Variants in VWC2L observed in about 807,000 individuals in gnomAD.
VWC2L encodes von Willebrand factor C domain containing 2 like.
Under a neutral mutation model 21.6 loss-of-function variants are expected in VWC2L, and 10 were observed. The observed-to-expected ratio is 0.46, with a 90% CI of 0.29 to 0.78. The LOEUF is 0.78. VWC2L is among the 30% of genes least tolerant of loss of function. The probability of loss-of-function intolerance (pLI) is 0.10; values close to 1 mark genes in which losing one functional copy is unlikely to be tolerated. For missense variants in VWC2L, 209 were observed against 277.1 expected, an observed-to-expected ratio of 0.75 and a Z score of 1.74; for synonymous variants, 96 against 94.3, an observed-to-expected ratio of 1.02 and a Z score of -0.10.
rs115250147 is a variant in VWC2L, at chr2:214,504,171, T to C, written c.520+67413T>C. Among the ~76,000 whole-genome samples, 652 of 152,204 alleles carry C rather than the reference T, an allele frequency of 4.3e-3. 5 individuals carry two copies. Among genetic ancestry groups the C allele is most frequent in the African/African-American group, 0.014 (593 of 41,520 alleles). On this transcript the variant is annotated intron_variant, in intron 3 of 3. Transcript: ENST00000312504. ...ATTTCAAAATAAGAAAATAGAAAGGTTCTTTACTGATCATTTTGAATAGCT... is the reference window on the plus strand; with the variant it reads ...ATTTCAAAATAAGAAAATAGAAAGGCTCTTTACTGATCATTTTGAATAGCT...
chr2:214,432,660 T>G (rs1331553109), intron 2 of VWC2L, among the ~76,000 whole-genome samples: 1 of 152,218 alleles, frequency 6.6e-6, no homozygotes, highest in East Asian at 1.9e-4. Flanking sequence ...TTAACTATAC[T>G]GTGTATAGCA....
chr2:214,507,635 G>A (rs10932537), intron 3 of VWC2L, among the ~76,000 whole-genome samples: 48,316 of 151,944 alleles, frequency 0.32, 8,548 homozygotes, highest in East Asian at 0.47. Flanking sequence ...TACCATGCTG[G>A]CACCCTAAAA....
intron 3 of VWC2L, among the ~76,000 whole-genome samples, chr2:214,564,913 C>T (rs1299354046): frequency 6.6e-6 from 1 of 152,150 alleles, no homozygotes; most frequent in African/African-American, 2.4e-5. Flanking sequence ...GACAGTGTTA[C>T]CAACATTGGT....
At position 214,450,890 on chromosome 2, in the gene VWC2L, C is replaced by T. The variant is rs960385187; in HGVS notation, c.520+14132C>T. Among the ~76,000 whole-genome samples the T allele has an allele frequency of 2.0e-5, 3 of 152,136 alleles. No homozygotes were observed. The East Asian group carries it at 5.8e-4, about 29-fold the overall frequency. ...CCTGATATGTTTAGGTGCTTGAAAGCATTAACATGTTTAACCTTTACAACA... is the reference window on the plus strand; with the variant it reads ...CCTGATATGTTTAGGTGCTTGAAAGTATTAACATGTTTAACCTTTACAACA... On this transcript the variant is annotated intron_variant, in intron 3 of 3. Transcript: ENST00000312504.
intron 2 of VWC2L, among the ~76,000 whole-genome samples, chr2:214,429,452 G>A (rs1486597119): frequency 6.6e-6 from 1 of 151,800 alleles, no homozygotes; most frequent in Non-Finnish European, 1.5e-5. Context: ...CTATATGTCT[G>A]GGCCCTCCTT....
rs139937989 is a variant in VWC2L at position 214,445,889 on chromosome 2, T to C, written c.520+9131T>C. 1.4e-4 allele frequency among the ~76,000 whole-genome samples: 21 copies of C among 152,264 alleles called. No homozygotes were observed. In the East Asian group the frequency reaches 1.9e-3, roughly 14 times the overall value. On this transcript the variant is annotated intron_variant, in intron 3 of 3. Transcript: ENST00000312504. ...TTAAAATTTGTACTCTATCAACTAATTAACCAACTAATAATTTCTACCACT... is the reference window on the plus strand; with the variant it reads ...TTAAAATTTGTACTCTATCAACTAACTAACCAACTAATAATTTCTACCACT...
intron 3 of VWC2L, among the ~76,000 whole-genome samples, chr2:214,492,345 C>T (rs1363795266): frequency 1.3e-5 from 2 of 152,156 alleles, no homozygotes; most frequent in African/African-American, 4.8e-5. Flanking sequence ...TCAAAGAACT[C>T]CACAGTTCAT....
chr2:214,426,867 C>T (rs114998093), intron 2 of VWC2L, among the ~76,000 whole-genome samples: 1 of 152,152 alleles, frequency 6.6e-6, no homozygotes, highest in African/African-American at 2.4e-5. Flanking sequence ...CTCTTTTTCA[C>T]AGAAATGTGG....
intron 3 of VWC2L, among the ~76,000 whole-genome samples, chr2:214,511,690 G>A (rs1002694020): frequency 6.6e-6 from 1 of 152,018 alleles, no homozygotes; most frequent in Non-Finnish European, 1.5e-5. Flanking sequence ...CGTTATGGCA[G>A]TCTGAGCATA....
chr2:214,438,281 G>A (rs907701816), intron 3 of VWC2L, among the ~76,000 whole-genome samples: 5 of 151,950 alleles, frequency 3.3e-5, no homozygotes, highest in African/African-American at 7.2e-5. Context: ...GTCTAAAGTA[G>A]AAGAGAAAGT....
chr2:214,494,376 T>C (rs1429905725), intron 3 of VWC2L, among the ~76,000 whole-genome samples: 1 of 152,170 alleles, frequency 6.6e-6, no homozygotes, highest in Admixed American at 6.6e-5. Context: ...ACAAGACTAT[T>C]AGAATTACCT....
At chr2:214,449,832 G>A (rs190087843) in intron 3 of VWC2L, among the ~76,000 whole-genome samples, 13 of 152,294 alleles carry the variant, frequency 8.5e-5, no homozygotes, top group Admixed American at 1.3e-4. Flanking sequence ...AAATGCTACT[G>A]TTTGTCAGGG....
intron 2 of VWC2L, among the ~76,000 whole-genome samples, chr2:214,425,590 G>A (rs917432707): frequency 1.3e-5 from 2 of 151,872 alleles, no homozygotes; most frequent in African/African-American, 4.8e-5. Flanking sequence ...TAATATAATA[G>A]ATATATTTAG....
At chr2:214,452,399 ATAAT>A (rs1485217664) in intron 3 of VWC2L, among the ~76,000 whole-genome samples, 1 of 152,146 alleles carries the variant, frequency 6.6e-6, no homozygotes, top group Non-Finnish European at 1.5e-5. Context: ...TTCATTCAGC[ATAAT>A]TATTTTGAGA....
chr2:214,413,755 G>GA (rs1413694181), intron 1 of VWC2L, among the ~76,000 whole-genome samples: 2 of 152,010 alleles, frequency 1.3e-5, no homozygotes, highest in Non-Finnish European at 1.5e-5. Flanking sequence ...AAGAATAATA[G>GA]AAAATGTGAG....
chr2:214,438,815 G>A (rs1203917449), intron 3 of VWC2L, among the ~76,000 whole-genome samples: 3 of 151,910 alleles, frequency 2.0e-5, no homozygotes, highest in Admixed American at 1.3e-4. Context: ...GACTTTACTT[G>A]TTCAATCAGT....
chr2:214,546,508 G>T (rs1689709222), intron 3 of VWC2L, among the ~76,000 whole-genome samples: 1 of 152,072 alleles, frequency 6.6e-6, no homozygotes, highest in Non-Finnish European at 1.5e-5. Context: ...TGCAGCAGTT[G>T]TCCTCATTGC....
intron 3 of VWC2L, among the ~76,000 whole-genome samples, chr2:214,520,194 G>A (rs1689213418): frequency 6.6e-6 from 1 of 151,388 alleles, no homozygotes; most frequent in Non-Finnish European, 1.5e-5. Context: ...ATAACATCTG[G>A]GCATACATTT....
At chr2:214,570,963 A>G (rs1355478456) in intron 3 of VWC2L, among the ~76,000 whole-genome samples, 1 of 152,182 alleles carries the variant, frequency 6.6e-6, no homozygotes, top group African/African-American at 2.4e-5. Context: ...CTGCTGTCAA[A>G]AGGGAAGTCT....
Sources: gnomAD v4.1 joint callset for allele counts (sites outside exome capture counted in the v4.1 genomes callset) on GRCh38, gnomAD v4.1.1 for gene constraint, MANE v1.5 for transcripts, NCBI Gene and HGNC (gene_info 2026-07-23, HGNC 2026-07-21) for gene names.